FRK: variants seen among roughly 807,000 people sequenced by gnomAD.
FRK encodes fyn related Src family tyrosine kinase, also known as tyrosine-protein kinase FRK.
A neutral mutation model predicts 56.4 loss-of-function variants in FRK; 51 were observed. The observed-to-expected ratio is 0.90, with a 90% confidence interval of 0.72 to 1.14. FRK has a LOEUF of 1.14. FRK is among the 50% of genes most tolerant of loss of function. The pLI is 0.00. For missense variants in FRK, 570 were observed against 601.4 expected, an observed-to-expected ratio of 0.95 and a Z score of 0.55; for synonymous variants, 245 against 217.9, an observed-to-expected ratio of 1.12 and a Z score of -1.10.
chr6:115,949,094 T>C (rs1772592714), intron 5 of FRK, among the ~76,000 whole-genome samples: 1 of 152,246 alleles, frequency 6.6e-6, no homozygotes, highest in African/African-American at 2.4e-5. Context: ...TTTTCTATTA[T>C]TGGTGTATAG....
chr6:116,090,145 G>T, the FRK span, among the ~76,000 whole-genome samples: 1 of 152,148 alleles, frequency 6.6e-6, no homozygotes, highest in Non-Finnish European at 1.5e-5. Flanking sequence ...AGGATGAAGA[G>T]CATGATAATG....
rs1772019400 is a variant in FRK at position 115,934,996 on chromosome 6, T to A, written c.*7418A>T. 1 of 152,062 alleles carries A rather than the reference T, an allele frequency of 6.6e-6. No individual in the cohort carries two copies. The highest frequency in any genetic ancestry group is 6.5e-5 in the Admixed American group (1 of 15,276). 9.4% of individuals were successfully genotyped at this position (152,062 alleles called of 1,614,324 possible). On this transcript the variant is annotated 3_prime_UTR_variant, in exon 8 of 8. Coordinates refer to ENST00000606080, the MANE Select transcript of FRK (RefSeq NM_002031.3). ...TTTGGACATTATTCCTAGCCTCTAG[T>A]TCTGAAATAGAGTTTGACCTATTTT...
At chr6:116,056,371 C>T (rs1777400675) in intron 1 of FRK, among the ~76,000 whole-genome samples, 1 of 151,994 alleles carries the variant, frequency 6.6e-6, no homozygotes, top group Non-Finnish European at 1.5e-5. Context: ...CAGGTTTGTG[C>T]CACCATGCCT....
the FRK span, among the ~76,000 whole-genome samples, chr6:116,100,348 T>G: frequency 6.6e-6 from 1 of 152,208 alleles, no homozygotes; most frequent in Non-Finnish European, 1.5e-5. Context: ...GAATATAAAG[T>G]TTTTGGTTTA....
chr6:116,009,549 C>T (rs562672558), intron 1 of FRK, among the ~76,000 whole-genome samples: 1 of 152,176 alleles, frequency 6.6e-6, no homozygotes, highest in African/African-American at 2.4e-5. Flanking sequence ...TACTCACACA[C>T]ACACAGTTTA....
At chr6:116,093,840 C>G in the FRK span, among the ~76,000 whole-genome samples, 1 of 152,084 alleles carries the variant, frequency 6.6e-6, no homozygotes, top group African/African-American at 2.4e-5. Context: ...TTCAATTGAT[C>G]CTAAAAAATA....
chr6:116,027,206 T>C (rs1199201679), intron 1 of FRK, among the ~76,000 whole-genome samples: 1 of 152,174 alleles, frequency 6.6e-6, no homozygotes, highest in East Asian at 1.9e-4. Flanking sequence ...TTCTTTAACA[T>C]GAAATAACTT....
chr6:116,071,404 A>G, the FRK span, among the ~76,000 whole-genome samples: 1 of 152,188 alleles, frequency 6.6e-6, no homozygotes, highest in Non-Finnish European at 1.5e-5. Context: ...TTGAGTTACA[A>G]ATCCACTCAA....
the FRK span, among the ~76,000 whole-genome samples, chr6:116,070,162 T>C: frequency 6.8e-6 from 1 of 147,920 alleles, no homozygotes; most frequent in African/African-American, 2.5e-5. Context: ...CCTGCTAAAG[T>C]GACTTGCTTT....
rs943920049 is a variant in FRK, at chr6:115,939,081, A to G, written c.*3333T>C. 6.6e-6 allele frequency: 1 copy of G among 152,094 alleles called. No homozygotes were observed. Among genetic ancestry groups the G allele is most frequent in the African/African-American group, 2.4e-5 (1 of 41,418 alleles). The allele number at this position is 152,094 out of a possible 1,614,324, so 9.4% of individuals were successfully genotyped here. ...ATCCCTGACGAACATCCATGCAAAA[A>G]TCCTCAATAAAATACTGGCAAACTG... is the stretch of plus-strand genomic sequence containing the variant. On this transcript the variant is annotated 3_prime_UTR_variant, in exon 8 of 8. Coordinates refer to ENST00000606080, the MANE Select transcript of FRK (RefSeq NM_002031.3).
intron 2 of FRK, among the ~76,000 whole-genome samples, chr6:115,980,547 T>C (rs1305187686): frequency 1.3e-5 from 2 of 152,120 alleles, no homozygotes; most frequent in Non-Finnish European, 2.9e-5. Context: ...TTGTGTTAGA[T>C]TGGCAGATTT....
At chr6:115,999,330 C>T (rs772837171) in intron 2 of FRK, among the ~76,000 whole-genome samples, 1 of 152,134 alleles carries the variant, frequency 6.6e-6, no homozygotes, top group Non-Finnish European at 1.5e-5. Flanking sequence ...TATTCAAAAG[C>T]GCTGCTGTAA....
intron 4 of FRK, among the ~76,000 whole-genome samples, chr6:115,962,011 C>T (rs1773388597): frequency 8.9e-6 from 1 of 112,826 alleles, no homozygotes; most frequent in African/African-American, 3.7e-5. Flanking sequence ...CACCAGCTAA[C>T]ATCATAATGA....
intron 1 of FRK, among the ~76,000 whole-genome samples, chr6:116,019,473 A>G (rs1311956310): frequency 6.6e-6 from 1 of 152,228 alleles, no homozygotes; most frequent in African/African-American, 2.4e-5. Flanking sequence ...CAATCAGATG[A>G]TCACAATCCT....
At chr6:115,990,877 AATG>A (rs1774576653) in intron 2 of FRK, among the ~76,000 whole-genome samples, 1 of 151,808 alleles carries the variant, frequency 6.6e-6, no homozygotes, top group African/African-American at 2.4e-5. Flanking sequence ...TAGTCATTTT[AATG>A]ATATTATTCT....
rs373087358 is a variant in FRK, at chr6:116,041,477, C to G, written c.344+18491G>C. On this transcript the variant is annotated intron_variant, in intron 1 of 7. Coordinates refer to ENST00000606080, the MANE Select transcript of FRK (RefSeq NM_002031.3). ...CGTGCGCAAGATGGCTGAATAGGAA[C>G]AGCTCCGGTCTGCAGCTCCCAGCAA... Among the ~76,000 whole-genome samples, 28 of 151,964 alleles carry G rather than the reference C, an allele frequency of 1.8e-4. No individual in the cohort carries two copies. In the East Asian group the frequency reaches 4.1e-3, roughly 22 times the overall value.
chr6:115,956,779 C>T (rs1459045229), intron 4 of FRK, among the ~76,000 whole-genome samples, 169 bp from the exon 5 acceptor site: 1 of 152,134 alleles, frequency 6.6e-6, no homozygotes, highest in Non-Finnish European at 1.5e-5. Context: ...CCAGAGCAAC[C>T]TAGTAACTGG....
intron 1 of FRK, among the ~76,000 whole-genome samples, chr6:116,046,031 CAT>C (rs1776943173): frequency 1.3e-5 from 2 of 152,252 alleles, no homozygotes; most frequent in East Asian, 1.9e-4. Flanking sequence ...AACCAACAAA[CAT>C]ATGAAAAAAA....
intron 5 of FRK, among the ~76,000 whole-genome samples, chr6:115,947,738 T>C (rs961823018): frequency 6.6e-6 from 1 of 152,208 alleles, no homozygotes; most frequent in African/African-American, 2.4e-5. Flanking sequence ...TTTTGAATTC[T>C]ATATTATAGC....
Sources: allele counts gnomAD v4.1 joint callset (sites outside exome capture counted in the v4.1 genomes callset), GRCh38; gene constraint gnomAD v4.1.1; transcripts MANE v1.5; gene names NCBI Gene and HGNC (gene_info 2026-07-23, HGNC 2026-07-21).